The following PCDHB2 variants were observed in gnomAD, a reference collection of about 807,000 sequenced individuals.
PCDHB2 encodes the protein protocadherin beta 2, also known as protocadherin beta-2.
For missense variants in PCDHB2, 914 were observed against 1,023.1 expected, an observed-to-expected ratio of 0.89 and a Z score of 1.45; for synonymous variants, 395 against 464.9, an observed-to-expected ratio of 0.85 and a Z score of 1.93.
In PCDHB2 at chr5:141,094,862, C is replaced by CAT. The variant is rs1751765538; in HGVS notation, c.74_75dup (p.Ala26Ter). On this transcript the variant is annotated frameshift_variant, in exon 1 of 1. Coordinates refer to ENST00000194155, the MANE Select transcript of PCDHB2 (RefSeq NM_018936.4). LOFTEE classifies it low-confidence loss of function (END_TRUNC). ...TCCTGATATTCTTTGTTTTGCTGGG[C>CAT]ATAGCTCAGGCTAGTTGCCAGCCTA... 6.2e-7 allele frequency: 1 copy of CAT among 1,611,662 alleles called. No homozygotes were observed. The highest frequency in any genetic ancestry group is 8.5e-7 in the Non-Finnish European group (1 of 1,179,340).
rs782251550 is a variant in PCDHB2, at chr5:141,095,546, G to C, written c.756G>C (p.Gln252His). ...TTGCAAAGCTGCTCTATGAGGTGCA[G>C]ATCCCGGAGGACAGCCCCGTTGGAT... The part of the protein sequence containing the change: ...PEFAKLLYEV[Q>H]IPEDSPVGSQ... The change falls in exon 1 of 1, where the codon CAG becomes CAC. Residue 252 changes from glutamine to histidine, a missense_variant. Physicochemically the swap from Gln to His is conservative, Grantham distance 24 (BLOSUM62 0). Transcript: ENST00000194155. 6 of 1,614,098 alleles carry C rather than the reference G, an allele frequency of 3.7e-6. No homozygotes were observed. Among genetic ancestry groups the C allele is most frequent in the Non-Finnish European group, 5.1e-6 (6 of 1,179,972 alleles).
Position 141,096,051 on chromosome 5 carries a change from A to C in PCDHB2, c.1261A>C (p.Ile421Leu). Residue 421 changes from isoleucine to leucine, a missense_variant, in exon 1 of 1, where the codon ATC becomes CTC. Coordinates refer to ENST00000194155, the MANE Select transcript of PCDHB2 (RefSeq NM_018936.4). ...LDRETRSEYN[I>L]TITVTDFGTP... The stretch of plus-strand genomic sequence containing the variant: ...CCGGGAGACCAGATCCGAATACAAC[A>C]TCACCATCACCGTCACCGACTTCGG... 1 of 1,614,036 alleles carries C rather than the reference A, an allele frequency of 6.2e-7. No individual in the cohort carries two copies. The highest frequency in any genetic ancestry group is 8.5e-7 in the Non-Finnish European group (1 of 1,179,942).
rs1554271199 is a variant in PCDHB2 at position 141,095,237 on chromosome 5, T to C, written c.447T>C (p.Thr149=). 6.2e-7 allele frequency: 1 copy of C among 1,613,984 alleles called. No homozygotes were observed. The highest frequency in any genetic ancestry group is 8.5e-7 in the Non-Finnish European group (1 of 1,179,910). Residue 149 remains threonine (T), a synonymous_variant, in exon 1 of 1, where the codon ACT becomes ACC. Transcript: ENST00000194155. Reference sequence around the variant, plus strand: ...TTTTGAAAATTCCAGAAAGTATCACTCCTGGAACTACTTTCTTAATAGAAC... The same window carrying C: ...TTTTGAAAATTCCAGAAAGTATCACCCCTGGAACTACTTTCTTAATAGAAC... ...EILLKIPESI[T]PGTTFLIERA... is the part of the protein sequence containing the mutation.
rs1554271579 is a variant in PCDHB2 at position 141,096,651 on chromosome 5, G to A, written c.1861G>A (p.Ala621Thr). 1 of 1,609,180 alleles carries A rather than the reference G, an allele frequency of 6.2e-7. No individual in the cohort carries two copies. ...GGAGCCCGGGCTGTTCGGCGTGTGG[G>A]CGCACAATGGCGAGGTGCGCACCGC... is the stretch of plus-strand genomic sequence containing the variant. The part of the protein sequence containing the change: ...ATEPGLFGVW[A>T]HNGEVRTARL... Residue 621 changes from alanine (A) to threonine (T), a missense_variant, in exon 1 of 1, where the codon GCG (alanine) becomes ACG (threonine). Coordinates refer to ENST00000194155, the MANE Select transcript of PCDHB2 (RefSeq NM_018936.4).
At position 141,096,928 on chromosome 5, in the gene PCDHB2, T is replaced by C; in HGVS notation, c.2138T>C (p.Val713Ala). ...FLFSVLLFVA[V>A]RLCRRSRAAS... Reference sequence around the variant, plus strand: ...TTCTCGGTGCTCCTGTTCGTGGCGGTGCGGCTGTGCAGGAGGAGCAGGGCG... The same window carrying C: ...TTCTCGGTGCTCCTGTTCGTGGCGGCGCGGCTGTGCAGGAGGAGCAGGGCG... Residue 713 changes from valine to alanine, a missense_variant, in exon 1 of 1, where the codon GTG (valine) becomes GCG (alanine). Val to Ala is a moderately conservative substitution (Grantham distance 64). Transcript: ENST00000194155. The C allele has an allele frequency of 1.2e-6, 2 of 1,612,290 alleles. No homozygotes were observed. Among genetic ancestry groups the C allele is most frequent in the Non-Finnish European group, 1.7e-6 (2 of 1,179,864 alleles).
At position 141,096,066 on chromosome 5, in the gene PCDHB2, A is replaced by C. The variant is rs1751809310; in HGVS notation, c.1276A>C (p.Thr426Pro). Residue 426 changes from threonine (T) to proline (P), a missense_variant, in exon 1 of 1, where the codon ACC (threonine) becomes CCC (proline). Thr to Pro is a conservative substitution (Grantham distance 38, BLOSUM62 -1). Transcript: ENST00000194155. ...CGAATACAACATCACCATCACCGTC[A>C]CCGACTTCGGGACACCCAGGCTGAA... Reference protein sequence around the residue: ...RSEYNITITVTDFGTPRLKTE... With the variant: ...RSEYNITITVPDFGTPRLKTE... 6.2e-7 allele frequency: 1 copy of C among 1,614,044 alleles called. No individual in the cohort carries two copies. The highest frequency in any genetic ancestry group is 1.3e-5 in the African/African-American group (1 of 74,916).
rs199566359 is a variant in PCDHB2, at chr5:141,095,476, T to A, written c.686T>A (p.Leu229Gln). The change falls in exon 1 of 1, where the codon CTG (leucine) becomes CAG (glutamine). Residue 229 changes from leucine to glutamine, a missense_variant. Coordinates refer to ENST00000194155, the MANE Select transcript of PCDHB2 (RefSeq NM_018936.4). The part of the protein sequence containing the change: ...GGSPPRSGTA[L>Q]VRIEVVDIND... ...AGTCCACCCAGGTCCGGCACGGCCCTGGTACGGATTGAAGTTGTGGACATC... is the reference window on the plus strand; with the variant it reads ...AGTCCACCCAGGTCCGGCACGGCCCAGGTACGGATTGAAGTTGTGGACATC... The A allele has an allele frequency of 1.9e-6, 3 of 1,614,174 alleles. No homozygotes were observed. Among genetic ancestry groups the A allele is most frequent in the Admixed American group, 3.3e-5 (2 of 60,030 alleles).
rs545227362 is a variant in PCDHB2 at position 141,098,590 on chromosome 5, C to G, written c.*1403C>G. ...TCCCTCATTTATTGAATGATTCACA[C>G]AGTCACTGGAATATTATAGGCTCTT... On this transcript the variant is annotated 3_prime_UTR_variant, in exon 1 of 1. Coordinates refer to ENST00000194155, the MANE Select transcript of PCDHB2 (RefSeq NM_018936.4). 98 of 152,202 alleles carry G rather than the reference C, an allele frequency of 6.4e-4. No individual in the cohort carries two copies. Among genetic ancestry groups the G allele is most frequent in the African/African-American group, 2.2e-3 (93 of 41,552 alleles). 9.4% of individuals were successfully genotyped at this position (152,202 alleles called of 1,614,324 possible).
Position 141,097,304 on chromosome 5 carries a change from C to A in PCDHB2, c.*117C>A, listed in dbSNP as rs1220799801. ...AGAAAGTAACCATCTTATTCCAATTCTATGCATGTTACTGGTATTTATAAA... is the reference window on the plus strand; with the variant it reads ...AGAAAGTAACCATCTTATTCCAATTATATGCATGTTACTGGTATTTATAAA... On this transcript the variant is annotated 3_prime_UTR_variant, in exon 1 of 1. Transcript: ENST00000194155. The A allele has an allele frequency of 1.1e-5, 13 of 1,143,366 alleles. No homozygotes were observed. In the African/African-American group the frequency reaches 1.7e-4, roughly 15 times the overall value. 70.8% of individuals were successfully genotyped at this position (1,143,366 alleles called of 1,614,324 possible). A position where few individuals can be genotyped will look rare whatever the true frequency, so the allele number is the denominator to read the frequency against.
Position 141,097,511 on chromosome 5 carries a change from C to A in PCDHB2, c.*324C>A. ...TATGGTCCTAGATAATTTTGAAGTC[C>A]TACATTTGAAAATATTTGTTATCAT... On this transcript the variant is annotated 3_prime_UTR_variant, in exon 1 of 1. Transcript: ENST00000194155. The A allele has an allele frequency of 4.6e-6, 1 of 216,820 alleles. No individual in the cohort carries two copies. The allele number at this position is 216,820 out of a possible 1,614,324, so 13.4% of individuals were successfully genotyped here.
chr5:141,094,681 C>G lies in PCDHB2; in HGVS notation c.-110C>G. 1.2e-6 allele frequency: 1 copy of G among 865,128 alleles called. No homozygotes were observed. The highest frequency in any genetic ancestry group is 1.7e-6 in the Non-Finnish European group (1 of 579,264). 53.6% of individuals were successfully genotyped at this position (865,128 alleles called of 1,614,324 possible). A position where few individuals can be genotyped will look rare whatever the true frequency, so the allele number is the denominator to read the frequency against. ...TTCTAAGGCGGTCGCTCCGGGAAAT[C>G]CGGGCCCTAGGATTGTCCACTCATC... On this transcript the variant is annotated 5_prime_UTR_variant, in exon 1 of 1. In the 5' UTR this introduces an upstream ATG that the reference lacks. Transcript: ENST00000194155.
chr5:141,095,082 T>A lies in PCDHB2; in HGVS notation c.292T>A (p.Cys98Ser). The A allele has an allele frequency of 6.2e-7, 1 of 1,614,176 alleles. No homozygotes were observed. The highest frequency in any genetic ancestry group is 1.3e-5 in the African/African-American group (1 of 75,048). ...TGAGAAATTGGACCGGGAGGAGCTG[T>A]GCGGCCCCACAGAGCCCTGTGTCCT... ...LNEKLDREEL[C>S]GPTEPCVLPF... Residue 98 changes from cysteine to serine, a missense_variant, in exon 1 of 1, where the codon TGC becomes AGC. Cys to Ser is a moderately radical substitution (Grantham distance 112, BLOSUM62 -1). Transcript: ENST00000194155.
Position 141,095,342 on chromosome 5 carries a change from A to G in PCDHB2, c.552A>G (p.Leu184=), listed in dbSNP as rs1751784668. ...CCAATTTCCACTTTCATCTTAATTT[A>G]CAAGACAGTCTCGATGGCATAATAT... The part of the protein sequence containing the change: ...ISPNFHFHLN[L]QDSLDGIILP... Residue 184 remains leucine, a synonymous_variant, in exon 1 of 1, where the codon TTA becomes TTG. Coordinates refer to ENST00000194155, the MANE Select transcript of PCDHB2 (RefSeq NM_018936.4). The G allele has an allele frequency of 6.2e-7, 1 of 1,613,802 alleles. No individual in the cohort carries two copies. Among genetic ancestry groups the G allele is most frequent in the Non-Finnish European group, 8.5e-7 (1 of 1,179,844 alleles).
Position 141,096,242 on chromosome 5 carries a change from C to T in PCDHB2, c.1452C>T (p.Thr484=), listed in dbSNP as rs1380049697. 15 of 1,613,084 alleles carry T rather than the reference C, an allele frequency of 9.3e-6. No individual in the cohort carries two copies. The highest frequency in any genetic ancestry group is 2.0e-4 in the Middle Eastern group (1 of 5,112). The change falls in exon 1 of 1, where the codon ACC becomes ACT. Residue 484 remains threonine, a synonymous_variant. Coordinates refer to ENST00000194155, the MANE Select transcript of PCDHB2 (RefSeq NM_018936.4). ...SVSATDRDSG[T]NAQVTYSLLP... is the part of the protein sequence containing the mutation. ...GCGCCACAGACAGAGACTCGGGCAC[C>T]AACGCCCAGGTCACCTACTCGCTGC...
Position 141,096,126 on chromosome 5 carries a change from G to A in PCDHB2, c.1336G>A (p.Val446Ile), listed in dbSNP as rs782169202. 20 of 1,613,782 alleles carry A rather than the reference G, an allele frequency of 1.2e-5. No individual in the cohort carries two copies. The highest frequency in any genetic ancestry group is 5.3e-5 in the African/African-American group (4 of 75,030). Residue 446 changes from valine (V) to isoleucine (I), a missense_variant, in exon 1 of 1, where the codon GTC (valine) becomes ATC (isoleucine). By Grantham distance (29) the Val-to-Ile change is conservative (BLOSUM62 3). Coordinates refer to ENST00000194155, the MANE Select transcript of PCDHB2 (RefSeq NM_018936.4). ...CAACATAACCGTGCTGGTCTCCGAC[G>A]TCAATGACAACGCCCCCGCCTTCAC... The part of the protein sequence containing the change: ...EHNITVLVSD[V>I]NDNAPAFTQT...
rs1374016961 is a variant in PCDHB2, at chr5:141,098,634, T to C, written c.*1447T>C. On this transcript the variant is annotated 3_prime_UTR_variant, in exon 1 of 1. Coordinates refer to ENST00000194155, the MANE Select transcript of PCDHB2 (RefSeq NM_018936.4). ...GGCTCTTAATAAAATTTTTGAATGA[T>C]TGAAAGAGAGAAAAGTATTTTACCT... 1 of 152,152 alleles carries C rather than the reference T, an allele frequency of 6.6e-6. No individual in the cohort carries two copies. Among genetic ancestry groups the C allele is most frequent in the Non-Finnish European group, 1.5e-5 (1 of 68,016 alleles). 9.4% of individuals were successfully genotyped at this position (152,152 alleles called of 1,614,324 possible). A position where few individuals can be genotyped will look rare whatever the true frequency, so the allele number is the denominator to read the frequency against.
Position 141,095,555 on chromosome 5 carries a change from GGACAGCC to G in PCDHB2, c.766_772del (p.Asp256ProfsTer14). On this transcript the variant is annotated frameshift_variant, in exon 1 of 1. Transcript: ENST00000194155. LOFTEE classifies it low-confidence loss of function (END_TRUNC). The stretch of plus-strand genomic sequence containing the variant: ...TGCTCTATGAGGTGCAGATCCCGGA[GGACAGCC>G]CCGTTGGATCCCAGGTTGCCATCGT... 2 of 1,614,124 alleles carry G rather than the reference GGACAGCC, an allele frequency of 1.2e-6. No homozygotes were observed. The highest frequency in any genetic ancestry group is 1.7e-6 in the Non-Finnish European group (2 of 1,180,006).
rs1554271269 is a variant in PCDHB2 at position 141,095,519 on chromosome 5, G to T, written c.729G>T (p.Glu243Asp). The T allele has an allele frequency of 6.2e-7, 1 of 1,614,046 alleles. No individual in the cohort carries two copies. The highest frequency in any genetic ancestry group is 8.5e-7 in the Non-Finnish European group (1 of 1,179,952). The change falls in exon 1 of 1, where the codon GAG becomes GAT. Residue 243 changes from glutamate to aspartate, a missense_variant. By Grantham distance (45) the Glu-to-Asp change is conservative (BLOSUM62 2). Transcript: ENST00000194155. ...EVVDINDNVPEFAKLLYEVQI... is the reference protein window; with the variant it reads ...EVVDINDNVPDFAKLLYEVQI... ...TGGACATCAATGACAACGTCCCAGA[G>T]TTTGCAAAGCTGCTCTATGAGGTGC...
chr5:141,095,004 G>A lies in PCDHB2; in HGVS notation c.214G>A (p.Gly72Arg), dbSNP rs1554271139. The part of the protein sequence containing the change: ...AVRGARVVSK[G>R]KKMHLQFDRQ... ...GAGGGGGGCCAGGGTCGTTTCCAAA[G>A]GAAAAAAAATGCATTTGCAGTTCGA... Residue 72 changes from glycine (G) to arginine (R), a missense_variant, in exon 1 of 1, where the codon GGA becomes AGA. Coordinates refer to ENST00000194155, the MANE Select transcript of PCDHB2 (RefSeq NM_018936.4). The A allele has an allele frequency of 6.2e-7, 1 of 1,611,268 alleles. No homozygotes were observed. Among genetic ancestry groups the A allele is most frequent in the Non-Finnish European group, 8.5e-7 (1 of 1,179,122 alleles).
Sources: gnomAD v4.1 joint callset for allele counts on GRCh38, gnomAD v4.1.1 for gene constraint, MANE v1.5 for transcripts, NCBI Gene and HGNC (gene_info 2026-07-23, HGNC 2026-07-21) for gene names.